Variants in ROS1 observed in about 807,000 individuals in gnomAD.
The protein encoded by ROS1 is proto-oncogene tyrosine-protein kinase ROS.
ROS1 carries 263 observed loss-of-function variants against 273.5 expected under a neutral mutation model. The ratio of observed to expected loss-of-function variants is 0.96; its 90% CI spans 0.87 to 1.06. The LOEUF is 1.06. ROS1 is among the 50% of genes least tolerant of loss of function. The probability of loss-of-function intolerance (pLI) is 0.00; values close to 1 mark genes in which losing one functional copy is unlikely to be tolerated. For missense variants in ROS1, 2,833 were observed against 2,751.1 expected (o/e 1.03, Z -0.67); for synonymous variants, 1,008 against 954.1 (o/e 1.06, Z -1.04).
chr6:117,337,351 A>T lies in ROS1; in HGVS notation c.5062-11T>A. 1 of 1,585,152 alleles carries T rather than the reference A, an allele frequency of 6.3e-7. No individual in the cohort carries two copies. Reference sequence around the variant, plus strand: ...CTCATTGTATTTCCACTAGAAAAAGAAGTCTCGATTAATATTTTTGTTTCT... The same window carrying T: ...CTCATTGTATTTCCACTAGAAAAAGTAGTCTCGATTAATATTTTTGTTTCT... On this transcript the variant is annotated splice_polypyrimidine_tract_variant and intron_variant, in intron 31 of 43. Coordinates refer to ENST00000368507, the MANE Select transcript of ROS1 (RefSeq NM_001378902.1).
chr6:117,350,108 C>T (rs1242009219), intron 27 of ROS1, among the ~76,000 whole-genome samples: 1 of 151,766 alleles, frequency 6.6e-6, no homozygotes, highest in African/African-American at 2.4e-5. Context: ...TGTAGATCTG[C>T]ATTTCTGATC....
Position 117,362,670 on chromosome 6 carries a change from T to A in ROS1, c.3299A>T (p.Asn1100Ile). The stretch of plus-strand genomic sequence containing the variant: ...AAAAGACATCACTGAGGGAGTGACA[T>A]TGACAGCAATCCAGTCTTCACATGT... ...NKTCEDWIAVNVTPSVMSFQL... is the reference protein window; with the variant it reads ...NKTCEDWIAVIVTPSVMSFQL... Residue 1100 changes from asparagine (N) to isoleucine (I), a missense_variant, in exon 22 of 44, where the codon AAT becomes ATT. Transcript: ENST00000368507. 1 of 1,613,418 alleles carries A rather than the reference T, an allele frequency of 6.2e-7. No homozygotes were observed. The highest frequency in any genetic ancestry group is 8.5e-7 in the Non-Finnish European group (1 of 1,179,452).
chr6:117,337,925 T>C (rs556105797), intron 31 of ROS1, among the ~76,000 whole-genome samples: 1 of 152,220 alleles, frequency 6.6e-6, no homozygotes, highest in Admixed American at 6.5e-5. Context: ...TTGCCCACTA[T>C]TATGAAGCTA....
chr6:117,380,216 A>T (rs1425002871), intron 17 of ROS1, among the ~76,000 whole-genome samples: 2 of 152,168 alleles, frequency 1.3e-5, no homozygotes, highest in Non-Finnish European at 2.9e-5. Flanking sequence ...AGCAAGATAC[A>T]GCAGCATTTA....
chr6:117,407,338 C>G (rs1774495208), intron 5 of ROS1, among the ~76,000 whole-genome samples: 1 of 152,160 alleles, frequency 6.6e-6, no homozygotes, highest in African/African-American at 2.4e-5. Context: ...ACATCCAAGC[C>G]ATGACTTATC....
At chr6:117,404,647 T>C (rs944134491) in intron 5 of ROS1, among the ~76,000 whole-genome samples, 6 of 152,252 alleles carry the variant, frequency 3.9e-5, no homozygotes, top group Non-Finnish European at 7.3e-5. Flanking sequence ...TTGTTATCTT[T>C]GAACACAGTA....
At position 117,295,111 on chromosome 6, in the gene ROS1, C is replaced by T. The variant is rs543635622; in HGVS notation, c.6715+5863G>A. On this transcript the variant is annotated intron_variant, in intron 43 of 43. Transcript: ENST00000368507. ...CATAGTGCTGGCATAAAAACTCACA[C>T]ATAGATCAAAGGTACATATACAGAA... 4.6e-5 allele frequency among the ~76,000 whole-genome samples: 7 copies of T among 152,172 alleles called. No homozygotes were observed. The East Asian group carries it at 9.6e-4, about 21-fold the overall frequency.
chr6:117,403,006 T>C (rs1774077017), intron 7 of ROS1, 133 bp downstream of exon 7: 4 of 938,466 alleles, frequency 4.3e-6, no homozygotes, highest in Non-Finnish European at 6.6e-6. Context: ...ACCTGGCACA[T>C]AGTTATGTAC....
chr6:117,385,945 C>T, intron 15 of ROS1, 84 bp from the exon 16 acceptor site: 1 of 1,038,684 alleles, frequency 9.6e-7, no homozygotes. Flanking sequence ...ATCTGCACCT[C>T]AACATAATTT....
At chr6:117,309,962 C>T (rs988916047) in intron 41 of ROS1, 119 bp downstream of exon 41, 4 of 907,410 alleles carry the variant, frequency 4.4e-6, no homozygotes, top group Non-Finnish European at 6.9e-6. Flanking sequence ...AGGCAAATCA[C>T]TTAATCTCTC....
intron 26 of ROS1, among the ~76,000 whole-genome samples, chr6:117,355,277 A>T (rs1341135946): frequency 2.6e-5 from 4 of 152,240 alleles, no homozygotes; most frequent in Non-Finnish European, 2.9e-5. Flanking sequence ...AGGAGGAATC[A>T]TTCAAAACAT....
In ROS1 at chr6:117,311,087, G is replaced by T. The variant is rs1775509786; in HGVS notation, c.6148C>A (p.Leu2050Ile). The change falls in exon 40 of 44, where the codon CTT becomes ATT. Residue 2050 changes from leucine to isoleucine, a missense_variant. Physicochemically the swap from Leu to Ile is conservative, Grantham distance 5. Transcript: ENST00000368507. ...FYGPLLTLVD[L>I]VDLCVDISKG... Reference sequence around the variant, plus strand: ...GAAATATCTACACACAGGTCTACAAGGTCAACCAAGGTGAGTAAAGGACCA... The same window carrying T: ...GAAATATCTACACACAGGTCTACAATGTCAACCAAGGTGAGTAAAGGACCA... The T allele has an allele frequency of 6.2e-7, 1 of 1,609,390 alleles. No individual in the cohort carries two copies. Among genetic ancestry groups the T allele is most frequent in the East Asian group, 2.2e-5 (1 of 44,700 alleles).
intron 18 of ROS1, among the ~76,000 whole-genome samples, chr6:117,377,562 C>T (rs920197387): frequency 1.8e-4 from 27 of 151,972 alleles, no homozygotes; most frequent in African/African-American, 4.8e-4. Context: ...AATAAATTTA[C>T]GATGAATTAT....
At position 117,394,626 on chromosome 6, in the gene ROS1, A is replaced by G. The variant is rs142265223; in HGVS notation, c.996T>C (p.His332=). ...CCTTATCATACTGACCTGTAATATT[A>G]TGGTATATAGCATCCAACCGAAGGC... ...AHCLRLDAIY[H]NITGISVDVH... Residue 332 remains histidine (H), a synonymous_variant, in exon 10 of 44, where the codon CAT becomes CAC. Transcript: ENST00000368507. The G allele has an allele frequency of 1.2e-5, 19 of 1,605,814 alleles. No individual in the cohort carries two copies. Among genetic ancestry groups the G allele is most frequent in the Non-Finnish European group, 1.6e-5 (19 of 1,175,566 alleles).
At chr6:117,352,248 T>C (rs1278738532) in intron 27 of ROS1, among the ~76,000 whole-genome samples, 1 of 152,188 alleles carries the variant, frequency 6.6e-6, no homozygotes, top group Non-Finnish European at 1.5e-5. Context: ...GCTGGGCTAA[T>C]TTTTTTGGCA....
At chr6:117,332,166 C>CAAA (rs199863437) in intron 32 of ROS1, among the ~76,000 whole-genome samples, 2 of 80,936 alleles carry the variant, frequency 2.5e-5, no homozygotes, top group Non-Finnish European at 2.7e-5. Flanking sequence ...ATATGGAAAG[C>CAAA]AAAAAAAAAA....
chr6:117,314,129 CAA>C (rs1775738354), intron 39 of ROS1, among the ~76,000 whole-genome samples: 1 of 151,978 alleles, frequency 6.6e-6, no homozygotes, highest in African/African-American at 2.4e-5. Context: ...CAAAACAAGA[CAA>C]ATCTACAAAT....
chr6:117,371,466 G>A (rs1780763230), intron 18 of ROS1, among the ~76,000 whole-genome samples: 1 of 152,182 alleles, frequency 6.6e-6, no homozygotes, highest in Admixed American at 6.5e-5. Context: ...TTGTCTTGCA[G>A]AGATCCTTGG....
chr6:117,391,015 C>T (rs1316795664), intron 12 of ROS1, among the ~76,000 whole-genome samples: 2 of 152,078 alleles, frequency 1.3e-5, no homozygotes, highest in Non-Finnish European at 2.9e-5. Context: ...AAATTCTTAT[C>T]CCAACCCCAA....
Sources: gnomAD v4.1 joint callset for allele counts (sites outside exome capture counted in the v4.1 genomes callset) on GRCh38, gnomAD v4.1.1 for gene constraint, MANE v1.5 for transcripts, NCBI Gene and HGNC (gene_info 2026-07-23, HGNC 2026-07-21) for gene names.